RIOK1: variants seen among roughly 807,000 people sequenced by gnomAD.
RIOK1 encodes serine/threonine-protein kinase RIO1.
A neutral mutation model predicts 73.5 loss-of-function variants in RIOK1; 66 were observed. The ratio of observed to expected loss-of-function variants is 0.90; its 90% CI spans 0.74 to 1.10. RIOK1 has a LOEUF of 1.10. Ranked by LOEUF, RIOK1 falls within the 50% of genes least tolerant of loss-of-function variation. The pLI, the probability that RIOK1 is intolerant of heterozygous loss-of-function variation, is 0.00. For synonymous variants in RIOK1, 224 were observed against 226.8 expected, an observed-to-expected ratio of 0.99 and a Z score of 0.11; for missense variants, 658 against 699.8, an observed-to-expected ratio of 0.94 and a Z score of 0.67.
intron 1 of RIOK1, 75 bp from the exon 2 acceptor site, chr6:7,393,024 A>C: frequency 7.0e-7 from 1 of 1,418,650 alleles, no homozygotes; most frequent in Non-Finnish European, 9.6e-7. Context: ...TTAATATCTT[A>C]CATCATAAAT....
intron 12 of RIOK1, among the ~76,000 whole-genome samples, chr6:7,406,942 A>G (rs146547723): frequency 6.6e-6 from 1 of 152,368 alleles, no homozygotes; most frequent in Non-Finnish European, 1.5e-5. Context: ...GATTGCAGAC[A>G]TGAGTCACCA....
chr6:7,396,136 T>C (rs758777429), intron 3 of RIOK1, among the ~76,000 whole-genome samples: 9 of 152,220 alleles, frequency 5.9e-5, no homozygotes, highest in Non-Finnish European at 8.8e-5. Context: ...ACCTGTTCGA[T>C]GCCAGGCATC....
At chr6:7,391,978 G>C (rs898375679) in intron 1 of RIOK1, among the ~76,000 whole-genome samples, 2 of 152,122 alleles carry the variant, frequency 1.3e-5, no homozygotes, top group African/African-American at 4.8e-5. Context: ...TTGATAATCT[G>C]AATTTACTTA....
chr6:7,401,167 T>A, intron 6 of RIOK1, 117 bp downstream of exon 6: 1 of 692,162 alleles, frequency 1.4e-6, no homozygotes, highest in Non-Finnish European at 2.5e-6. Context: ...GCCATACACA[T>A]TAATATTCAT....
intron 11 of RIOK1, 70 bp downstream of exon 11, chr6:7,405,091 G>A (rs1316642006): frequency 7.4e-7 from 1 of 1,357,702 alleles, no homozygotes; most frequent in African/African-American, 1.4e-5. Context: ...TTAAGCTGTT[G>A]GCGTAAAATT....
At chr6:7,408,135 C>A (rs1761795479) in intron 12 of RIOK1, among the ~76,000 whole-genome samples, 1 of 152,210 alleles carries the variant, frequency 6.6e-6, no homozygotes, top group South Asian at 2.1e-4. Flanking sequence ...CTCCTGGATT[C>A]AAGTGATTCT....
intron 11 of RIOK1, 94 bp from the exon 12 acceptor site, chr6:7,405,155 T>C: frequency 9.9e-7 from 1 of 1,013,336 alleles, no homozygotes; most frequent in Non-Finnish European, 1.5e-6. Context: ...TGGGAGATGG[T>C]ATGTAATTTT....
intron 12 of RIOK1, among the ~76,000 whole-genome samples, chr6:7,409,213 TTGTGTGTG>T (rs58234662): frequency 0.14 from 12,277 of 88,252 alleles, 793 homozygotes; most frequent in African/African-American, 0.2. Flanking sequence ...TCCCGACTAA[TTGTGTGTG>T]TGTGTGTGTG....
At chr6:7,412,789 A>G (rs931411403) in intron 14 of RIOK1, 100 bp from the exon 15 acceptor site, 14 of 481,864 alleles carry the variant, frequency 2.9e-5, no homozygotes, top group Non-Finnish European at 4.7e-5. Context: ...ATCATAGGAG[A>G]CATTATTTAA....
intron 9 of RIOK1, 34 bp from the exon 10 acceptor site, chr6:7,404,384 C>T (rs1280985428): frequency 6.2e-7 from 1 of 1,611,350 alleles, no homozygotes; most frequent in South Asian, 1.1e-5. Flanking sequence ...AAAACTTGTT[C>T]TTGGTCATTT....
intron 16 of RIOK1, among the ~76,000 whole-genome samples, chr6:7,416,201 C>G (rs1182045396): frequency 6.6e-6 from 1 of 152,222 alleles, no homozygotes; most frequent in Non-Finnish European, 1.5e-5. Context: ...TACTCAGCTG[C>G]TAGCATATTT....
At chr6:7,410,554 C>T (rs1761861441) in intron 13 of RIOK1, 103 bp downstream of exon 13, 2 of 706,890 alleles carry the variant, frequency 2.8e-6, no homozygotes, top group Admixed American at 2.7e-5. Flanking sequence ...AGATAAGCAG[C>T]TTTTTCAAAT....
At chr6:7,411,605 A>G in intron 14 of RIOK1, 154 bp downstream of exon 14, 1 of 701,018 alleles carries the variant, frequency 1.4e-6, no homozygotes, top group South Asian at 1.8e-5. Flanking sequence ...TTGTGTGCAC[A>G]TTGAACGCAA....
At chr6:7,401,774 G>A (rs1761619916) in intron 6 of RIOK1, among the ~76,000 whole-genome samples, 1 of 148,686 alleles carries the variant, frequency 6.7e-6, no homozygotes, top group Admixed American at 6.8e-5. Context: ...TGCCTCTCGG[G>A]TACAAGCAAT....
chr6:7,393,036 T>C lies in RIOK1; in HGVS notation c.72-63T>C, dbSNP rs1298768812. On this transcript the variant is annotated intron_variant, in intron 1 of 16. Coordinates refer to ENST00000379834, the MANE Select transcript of RIOK1 (RefSeq NM_031480.3). ...ATTTTAATATCTTACATCATAAATA[T>C]GTGAGATCAGTTAGGGTATGTGGAA... The C allele has an allele frequency of 5.4e-6, 8 of 1,473,088 alleles. No homozygotes were observed. In the African/African-American group the frequency reaches 5.6e-5, roughly 10 times the overall value. 91.3% of individuals were successfully genotyped at this position (1,473,088 alleles called of 1,614,324 possible).
chr6:7,413,271 T>C (rs1761929239), intron 15 of RIOK1, among the ~76,000 whole-genome samples: 1 of 152,214 alleles, frequency 6.6e-6, no homozygotes, highest in Non-Finnish European at 1.5e-5. Flanking sequence ...TGCTTCTTGA[T>C]GGTTTTACAA....
chr6:7,410,502 GT>G (rs375991906), intron 13 of RIOK1, 51 bp downstream of exon 13: 30,538 of 939,670 alleles, frequency 0.032, 153 homozygotes, highest in African/African-American at 0.083. Context: ...TGTTTTGAGG[GT>G]TTTTTTTTTT....
At chr6:7,414,941 G>A (rs558562566) in intron 16 of RIOK1, among the ~76,000 whole-genome samples, 8 of 152,254 alleles carry the variant, frequency 5.3e-5, no homozygotes, top group Admixed American at 1.3e-4. Flanking sequence ...GTGGTCCAGC[G>A]TCTTCACACT....
intron 15 of RIOK1, 62 bp from the exon 16 acceptor site, chr6:7,414,176 C>T: frequency 2.0e-6 from 3 of 1,473,470 alleles, no homozygotes; most frequent in South Asian, 1.3e-5. Context: ...ACACATTTAA[C>T]AACAACACAT....
Sources: allele counts gnomAD v4.1 joint callset (sites outside exome capture counted in the v4.1 genomes callset), GRCh38; gene constraint gnomAD v4.1.1; transcripts MANE v1.5; gene names NCBI Gene and HGNC (gene_info 2026-07-23, HGNC 2026-07-21).